MEGF11: variants seen among roughly 807,000 people sequenced by gnomAD.
MEGF11 encodes the protein multiple epidermal growth factor-like domains protein 11.
In MEGF11, 126 loss-of-function variants were observed where a neutral mutation model predicts 146.6. That is an observed-to-expected ratio of 0.86 (90% CI 0.74 to 1.00). The LOEUF (loss-of-function observed/expected upper bound fraction) is 1.00, where lower values mean the gene tolerates loss of function less well. Ranked by LOEUF, MEGF11 falls within the 50% of genes least tolerant of loss-of-function variation. The probability of loss-of-function intolerance (pLI) is 0.00; values close to 1 mark genes in which losing one functional copy is unlikely to be tolerated. For missense variants in MEGF11, 1,509 were observed against 1,521.2 expected (o/e 0.99, Z 0.13); for synonymous variants, 532 against 583.4 (o/e 0.91, Z 1.27).
intron 1 of MEGF11, among the ~76,000 whole-genome samples, chr15:66,140,192 G>A (rs936140018): frequency 2.0e-5 from 3 of 152,172 alleles, no homozygotes; most frequent in Non-Finnish European, 2.9e-5. Context: ...CAATGATCCT[G>A]AAGTCACACA....
intron 6 of MEGF11, 83 bp from the exon 7 acceptor site, chr15:65,980,981 T>G: frequency 3.5e-6 from 5 of 1,447,666 alleles, no homozygotes; most frequent in Non-Finnish European, 4.6e-6. Flanking sequence ...TCCCTAGGAA[T>G]TCCTCCGCAG....
At chr15:66,185,936 C>T (rs780521641) in intron 1 of MEGF11, among the ~76,000 whole-genome samples, 6 of 152,208 alleles carry the variant, frequency 3.9e-5, no homozygotes, top group Non-Finnish European at 7.3e-5. Flanking sequence ...TGCCTTCACT[C>T]CTGCCCTTCT....
At chr15:66,012,480 T>C (rs2082739755) in intron 5 of MEGF11, among the ~76,000 whole-genome samples, 2 of 152,162 alleles carry the variant, frequency 1.3e-5, no homozygotes, top group Admixed American at 1.3e-4. Context: ...CCATGCAATG[T>C]CAAAGCAGCC....
At chr15:65,930,285 A>T (rs984081822) in intron 11 of MEGF11, among the ~76,000 whole-genome samples, 1 of 152,012 alleles carries the variant, frequency 6.6e-6, no homozygotes, top group Middle Eastern at 3.2e-3. Context: ...TTCCCTGTTC[A>T]TGGTGGGGGC....
chr15:66,248,377 C>T (rs1164282194), intron 1 of MEGF11, among the ~76,000 whole-genome samples: 12 of 152,218 alleles, frequency 7.9e-5, no homozygotes, highest in Admixed American at 7.9e-4. Context: ...CCTTCATTCC[C>T]ACTCCAATCA....
At chr15:66,163,483 C>G (rs2090010524) in intron 1 of MEGF11, among the ~76,000 whole-genome samples, 1 of 152,174 alleles carries the variant, frequency 6.6e-6, no homozygotes, top group Non-Finnish European at 1.5e-5. Context: ...AGGGAAGGCA[C>G]AGGCTGAAAA....
Position 65,965,101 on chromosome 15 carries a change from A to G in MEGF11, c.919T>C (p.Phe307Leu). The change falls in exon 9 of 26, where the codon TTC becomes CTC. Residue 307 changes from phenylalanine (F) to leucine (L), a missense_variant. Physicochemically the swap from Phe to Leu is conservative, Grantham distance 22 (BLOSUM62 0). Coordinates refer to ENST00000395614, the MANE Select transcript of MEGF11 (RefSeq NM_001385028.1). Reference protein sequence around the residue: ...MGDRCQEECPFGSFGFQCSQH... With the variant: ...MGDRCQEECPLGSFGFQCSQH... ...GAGCACTGGAAGCCGAAGGACCCGA[A>G]GGGGCACTCCTCTTGGCACCTGTGG... The G allele has an allele frequency of 1.3e-6, 2 of 1,594,120 alleles. No individual in the cohort carries two copies. The highest frequency in any genetic ancestry group is 1.7e-4 in the Middle Eastern group (1 of 6,000).
chr15:65,926,100 CTG>C (rs1268725200), intron 13 of MEGF11, among the ~76,000 whole-genome samples: 26 of 152,342 alleles, frequency 1.7e-4, no homozygotes, highest in African/African-American at 5.0e-4. Context: ...TACTCAGAAA[CTG>C]TTGCTTTTTA....
chr15:65,992,459 G>C (rs562260210), intron 5 of MEGF11, among the ~76,000 whole-genome samples: 2 of 145,606 alleles, frequency 1.4e-5, no homozygotes, highest in African/African-American at 2.5e-5. Flanking sequence ...GTGGGGGGGG[G>C]GGTTAGTCAC....
In MEGF11 at chr15:66,119,112, T is replaced by C; in HGVS notation, c.275A>G (p.Tyr92Cys). Residue 92 changes from tyrosine to cysteine, a missense_variant, in exon 4 of 26, where the codon TAC becomes TGC. Transcript: ENST00000395614. ...TATGCAGAAGTCTCCGCTCTCATAG[T>C]AGCCAGGGCAGCACTGGGACCTCCG... ...YRRRSQCCPG[Y>C]YESGDFCIPL... 2.6e-6 allele frequency: 4 copies of C among 1,551,408 alleles called. No individual in the cohort carries two copies. The highest frequency in any genetic ancestry group is 3.5e-6 in the Non-Finnish European group (4 of 1,146,920).
chr15:66,216,295 A>AT (rs1462992323), intron 1 of MEGF11, among the ~76,000 whole-genome samples: 5 of 152,154 alleles, frequency 3.3e-5, no homozygotes, highest in African/African-American at 1.2e-4. Flanking sequence ...GACTGCAGCC[A>AT]TCATGTAGGG....
intron 5 of MEGF11, among the ~76,000 whole-genome samples, chr15:66,038,526 T>C (rs1416875560): frequency 6.6e-6 from 1 of 152,186 alleles, no homozygotes. Flanking sequence ...ATAGTCTTTT[T>C]GCGGCACTTT....
chr15:65,911,452 G>A (rs550392045), intron 21 of MEGF11, among the ~76,000 whole-genome samples: 6 of 152,244 alleles, frequency 3.9e-5, no homozygotes, highest in East Asian at 3.9e-4. Flanking sequence ...TTGCTCTGTC[G>A]TCAGGCTGGA....
At chr15:65,984,759 CTTAT>C (rs34021202) in intron 5 of MEGF11, among the ~76,000 whole-genome samples, 48 of 151,518 alleles carry the variant, frequency 3.2e-4, no homozygotes, top group East Asian at 1.5e-3. Flanking sequence ...CCACATTTTA[CTTAT>C]TTATTTATTT....
At chr15:66,017,734 C>T (rs765212694) in intron 5 of MEGF11, among the ~76,000 whole-genome samples, 10 of 152,198 alleles carry the variant, frequency 6.6e-5, no homozygotes, top group African/African-American at 9.7e-5. Flanking sequence ...TTGCTCCAGG[C>T]GCAGAATGAC....
intron 1 of MEGF11, among the ~76,000 whole-genome samples, chr15:66,240,933 A>G (rs1374279994): frequency 3.3e-5 from 5 of 152,212 alleles, no homozygotes; most frequent in African/African-American, 4.8e-5. Flanking sequence ...AGGAAAAGAC[A>G]TCTTTGACTC....
chr15:65,908,585 GA>G (rs1019026702), intron 23 of MEGF11, among the ~76,000 whole-genome samples: 10 of 152,238 alleles, frequency 6.6e-5, no homozygotes, highest in African/African-American at 2.4e-4. Flanking sequence ...CCTGTGATTT[GA>G]GAAAGCTTGG....
intron 12 of MEGF11, among the ~76,000 whole-genome samples, chr15:65,929,191 A>G (rs1226594305): frequency 1.3e-5 from 2 of 152,240 alleles, no homozygotes; most frequent in African/African-American, 4.8e-5. Flanking sequence ...TTGCTCATCC[A>G]GCAATATCAT....
At chr15:66,166,347 A>G (rs2090096423) in intron 1 of MEGF11, among the ~76,000 whole-genome samples, 1 of 151,980 alleles carries the variant, frequency 6.6e-6, no homozygotes, top group South Asian at 2.1e-4. Context: ...TGCGTCCAGA[A>G]TCCCATCACT....
Sources: allele counts gnomAD v4.1 joint callset (sites outside exome capture counted in the v4.1 genomes callset), GRCh38; gene constraint gnomAD v4.1.1; transcripts MANE v1.5; gene names NCBI Gene and HGNC (gene_info 2026-07-23, HGNC 2026-07-21).